Variants in MED30 observed in about 807,000 individuals in gnomAD.
MED30 encodes mediator complex subunit 30, also known as mediator of RNA polymerase II transcription subunit 30.
In MED30, 8 loss-of-function variants were observed where a neutral mutation model predicts 21.7. The observed-to-expected ratio is 0.37, with a 90% CI of 0.22 to 0.67. The LOEUF (loss-of-function observed/expected upper bound fraction) is 0.67, where lower values mean the gene tolerates loss of function less well. Ranked by LOEUF, MED30 falls within the 30% of genes least tolerant of loss-of-function variation. The pLI, the probability that MED30 is intolerant of heterozygous loss-of-function variation, is 0.58. For synonymous variants in MED30, 79 were observed against 86.7 expected (o/e 0.91, Z 0.49); for missense variants, 203 against 228.2 (o/e 0.89, Z 0.71).
chr8:117,523,570 C>G, intron 1 of MED30: 1 of 1,601,764 alleles, frequency 6.2e-7, no homozygotes, highest in Non-Finnish European at 8.5e-7. Flanking sequence ...GAAATGTCTC[C>G]AGGCAAACTG....
chr8:117,528,342 T>C, intron 1 of MED30, among the ~76,000 whole-genome samples: 1 of 152,046 alleles, frequency 6.6e-6, no homozygotes, highest in Non-Finnish European at 1.5e-5. Context: ...ATAATAGTAA[T>C]ATTAAAATTG....
intron 1 of MED30, among the ~76,000 whole-genome samples, chr8:117,527,024 A>G (rs868860671): frequency 6.6e-6 from 1 of 152,126 alleles, no homozygotes; most frequent in Middle Eastern, 3.4e-3. Context: ...ACTATGCTCA[A>G]TATGGTGATA....
At position 117,535,267 on chromosome 8, in the gene MED30, C is replaced by CA. The variant is rs1229941874; in HGVS notation, c.441+4444dup. Reference sequence around the variant, plus strand: ...TTTTTTTTTTTTTTTTTTTGAGAGACAAAATCTCTCTCTGTCACCCAGGCT... The same window carrying CA: ...TTTTTTTTTTTTTTTTTTTGAGAGACAAAAATCTCTCTCTGTCACCCAGGCT... On this transcript the variant is annotated intron_variant, in intron 3 of 3. Coordinates refer to ENST00000297347, the MANE Select transcript of MED30 (RefSeq NM_080651.4). 2.1e-3 allele frequency among the ~76,000 whole-genome samples: 245 copies of CA among 118,636 alleles called. 2 individuals carry two copies. The highest frequency in any genetic ancestry group is 7.3e-3 in the African/African-American group (223 of 30,632). 77.8% of individuals were successfully genotyped at this position (118,636 alleles called of 152,430 possible).
rs11997337 is a variant in MED30, at chr8:117,521,205, C to G, written c.177+152C>G. 24 of 679,790 alleles carry G rather than the reference C, an allele frequency of 3.5e-5. 1 individual carries two copies. Among genetic ancestry groups the G allele is most frequent in the Non-Finnish European group, 4.3e-5 (19 of 442,012 alleles). The allele number at this position is 679,790 out of a possible 1,614,324, so 42.1% of individuals were successfully genotyped here. ...CCCCCATTCACACTCAAGAGTGTCCCCAAAAGTCGGATTTGTAGAGGTGAT... is the reference window on the plus strand; with the variant it reads ...CCCCCATTCACACTCAAGAGTGTCCGCAAAAGTCGGATTTGTAGAGGTGAT... On this transcript the variant is annotated intron_variant, in intron 1 of 3. Transcript: ENST00000297347.
At chr8:117,535,795 G>C (rs1818870172) in intron 3 of MED30, among the ~76,000 whole-genome samples, 1 of 151,882 alleles carries the variant, frequency 6.6e-6, no homozygotes, top group Non-Finnish European at 1.5e-5. Context: ...CTAGGTGATA[G>C]AGTTTTAAAG....
intron 3 of MED30, among the ~76,000 whole-genome samples, chr8:117,535,934 T>G (rs1818872371): frequency 6.6e-6 from 1 of 152,042 alleles, no homozygotes; most frequent in Non-Finnish European, 1.5e-5. Context: ...TACTGAGGAG[T>G]TATTTAAACA....
In MED30 at chr8:117,528,138, A is replaced by G. The variant is rs1586862108; in HGVS notation, c.178-513A>G. ...TTTTTTAAGTAAAACTTTAAATGAC[A>G]GGTTTATATTTTAATGTATGCCTTA... is the stretch of plus-strand genomic sequence containing the variant. On this transcript the variant is annotated intron_variant, in intron 1 of 3. Transcript: ENST00000297347. Among the ~76,000 whole-genome samples the G allele has an allele frequency of 2.0e-5, 3 of 151,998 alleles. No individual in the cohort carries two copies. In the Middle Eastern group the frequency reaches 0.01, roughly 517 times the overall value.
At chr8:117,537,554 A>T (rs903421880) in intron 3 of MED30, among the ~76,000 whole-genome samples, 3 of 152,162 alleles carry the variant, frequency 2.0e-5, no homozygotes, top group African/African-American at 4.8e-5. Flanking sequence ...TTAATTATTT[A>T]AAAATTTTCT....
At position 117,528,823 on chromosome 8, in the gene MED30, A is replaced by G; in HGVS notation, c.336+14A>G. On this transcript the variant is annotated intron_variant, in intron 2 of 3. Transcript: ENST00000297347. ...ATTCCAGTCGAGGTAATTTTTTGTGATAGAGGGAGGATGAATATAAGGTGT... is the reference window on the plus strand; with the variant it reads ...ATTCCAGTCGAGGTAATTTTTTGTGGTAGAGGGAGGATGAATATAAGGTGT... 1 of 1,585,686 alleles carries G rather than the reference A, an allele frequency of 6.3e-7. No homozygotes were observed. The highest frequency in any genetic ancestry group is 1.7e-4 in the Middle Eastern group (1 of 5,912).
chr8:117,533,225 A>T (rs1285803525), intron 3 of MED30, among the ~76,000 whole-genome samples: 2 of 152,162 alleles, frequency 1.3e-5, no homozygotes, highest in Non-Finnish European at 2.9e-5. Context: ...TAACTTAGAA[A>T]TAACATGTCT....
At chr8:117,532,072 GTA>G (rs1818799666) in intron 3 of MED30, among the ~76,000 whole-genome samples, 1 of 152,008 alleles carries the variant, frequency 6.6e-6, no homozygotes, top group African/African-American at 2.4e-5. Flanking sequence ...TCAATAATGT[GTA>G]TGAATAAACT....
intron 2 of MED30, among the ~76,000 whole-genome samples, chr8:117,529,257 C>T (rs1818762849): frequency 6.6e-6 from 1 of 151,636 alleles, no homozygotes; most frequent in Non-Finnish European, 1.5e-5. Context: ...AAAATATATT[C>T]TCTAAATTTA....
chr8:117,535,820 G>A (rs943896982), intron 3 of MED30, among the ~76,000 whole-genome samples: 1 of 151,864 alleles, frequency 6.6e-6, no homozygotes, highest in Non-Finnish European at 1.5e-5. Context: ...CGGAATCTTA[G>A]CTGGTAACAC....
At chr8:117,526,544 G>C (rs562609289) in intron 1 of MED30, among the ~76,000 whole-genome samples, 1 of 151,954 alleles carries the variant, frequency 6.6e-6, no homozygotes, top group Non-Finnish European at 1.5e-5. Flanking sequence ...CTATGGATAC[G>C]ATCATGTATT....
intron 1 of MED30, among the ~76,000 whole-genome samples, chr8:117,525,717 C>G (rs545497094): frequency 2.0e-5 from 3 of 152,192 alleles, no homozygotes; most frequent in Non-Finnish European, 4.4e-5. Context: ...CTTGCTTCTT[C>G]CAGTGATTTC....
Position 117,520,847 on chromosome 8 carries a change from C to T in MED30, c.-30C>T. On this transcript the variant is annotated 5_prime_UTR_variant, in exon 1 of 4. Transcript: ENST00000297347. ...CAGACCCCTGACACCTGCTGTCTGG[C>T]CCCTTCCGGCCTGAAGCTGCAGCCG... 6.5e-7 allele frequency: 1 copy of T among 1,545,990 alleles called. No individual in the cohort carries two copies. The highest frequency in any genetic ancestry group is 8.7e-7 in the Non-Finnish European group (1 of 1,146,262).
intron 1 of MED30, among the ~76,000 whole-genome samples, chr8:117,527,636 C>CTTTTTTTTTTTTT (rs3040826): frequency 4.7e-5 from 6 of 127,596 alleles, no homozygotes; most frequent in Admixed American, 7.9e-5. Flanking sequence ...TTTTTTCTTT[C>CTTTTTTTTTTTTT]TTTTTTTTTT....
chr8:117,539,538 T>C (rs1490711663), intron 3 of MED30, among the ~76,000 whole-genome samples: 1 of 152,212 alleles, frequency 6.6e-6, no homozygotes, highest in African/African-American at 2.4e-5. Flanking sequence ...TATGGGCTCT[T>C]GACCGTTAGG....
chr8:117,532,793 T>TA (rs1320074031), intron 3 of MED30, among the ~76,000 whole-genome samples: 4 of 152,004 alleles, frequency 2.6e-5, no homozygotes, highest in African/African-American at 9.7e-5. Flanking sequence ...ACAATCATAA[T>TA]AAAAAACTCA....
Sources: allele counts gnomAD v4.1 joint callset (sites outside exome capture counted in the v4.1 genomes callset), GRCh38; gene constraint gnomAD v4.1.1; transcripts MANE v1.5; gene names NCBI Gene and HGNC (gene_info 2026-07-23, HGNC 2026-07-21).